SMCHD1: variants seen among roughly 807,000 people sequenced by gnomAD.
SMCHD1 encodes structural maintenance of chromosomes flexible hinge domain containing 1.
In SMCHD1, 78 loss-of-function variants were observed where a neutral mutation model predicts 254.7. The observed-to-expected ratio is 0.31, with a 90% CI of 0.26 to 0.37. SMCHD1 has a LOEUF of 0.37. Among genes scored for constraint, SMCHD1 ranks in the 10% least tolerant of loss-of-function variants. The pLI is 1.00. For synonymous variants in SMCHD1, 766 were observed against 794.9 expected, an observed-to-expected ratio of 0.96 and a Z score of 0.61; for missense variants, 1,840 against 2,408.1, an observed-to-expected ratio of 0.76 and a Z score of 4.94.
intron 20 of SMCHD1, among the ~76,000 whole-genome samples, chr18:2,722,951 C>T (rs756352261): frequency 3.5e-4 from 35 of 99,200 alleles, no homozygotes; most frequent in Non-Finnish European, 6.0e-4. Context: ...TGTCTCTTAA[C>T]AATTCATTAT....
At chr18:2,678,341 C>T (rs1167191834) in intron 5 of SMCHD1, among the ~76,000 whole-genome samples, 9 of 135,434 alleles carry the variant, frequency 6.6e-5, no homozygotes, top group African/African-American at 2.5e-4. Context: ...TGCTTTGTTG[C>T]CCAGGCTGGA....
Position 2,748,569 on chromosome 18 carries a change from A to AT in SMCHD1, c.3927+927dup, listed in dbSNP as rs530260008. ...GCCATCATGCCCAGCTAATTTTTGT[A>AT]TTTTTAGTACAGACGGGGTTTCACC... On this transcript the variant is annotated intron_variant, in intron 30 of 47. Coordinates refer to ENST00000320876, the MANE Select transcript of SMCHD1 (RefSeq NM_015295.3). Among the ~76,000 whole-genome samples the AT allele has an allele frequency of 2.3e-3, 355 of 151,526 alleles. 1 individual carries two copies. Among genetic ancestry groups the AT allele is most frequent in the African/African-American group, 7.9e-3 (327 of 41,256 alleles).
intron 1 of SMCHD1, among the ~76,000 whole-genome samples, chr18:2,660,471 G>GATT: frequency 7.4e-6 from 1 of 135,338 alleles, no homozygotes; most frequent in Non-Finnish European, 1.5e-5. Flanking sequence ...AAAAATCCAT[G>GATT]GTTTTTTTTT....
At chr18:2,662,667 C>CAAA (rs745838636) in intron 1 of SMCHD1, among the ~76,000 whole-genome samples, 593 of 35,590 alleles carry the variant, frequency 0.017, 12 homozygotes, top group African/African-American at 0.067. Context: ...AACAAAAAAC[C>CAAA]AAAAAAAAAA....
intron 8 of SMCHD1, among the ~76,000 whole-genome samples, chr18:2,695,622 T>C (rs967271688): frequency 3.9e-5 from 6 of 152,166 alleles, no homozygotes; most frequent in Non-Finnish European, 8.8e-5. Flanking sequence ...AAATTTTTTT[T>C]TTATAGCTAT....
At chr18:2,746,335 A>G (rs2143587212) in intron 29 of SMCHD1, among the ~76,000 whole-genome samples, 2 of 152,334 alleles carry the variant, frequency 1.3e-5, no homozygotes, top group African/African-American at 4.8e-5. Flanking sequence ...AGTTTGGACT[A>G]CAAGTCATTT....
intron 3 of SMCHD1, among the ~76,000 whole-genome samples, chr18:2,670,421 C>A (rs1461965655): frequency 6.6e-6 from 1 of 152,134 alleles, no homozygotes; most frequent in African/African-American, 2.4e-5. Flanking sequence ...TACTTGATTT[C>A]ATTTCTCTGC....
intron 30 of SMCHD1, 38 bp downstream of exon 30, chr18:2,747,685 C>T (rs1172826271): frequency 1.4e-6 from 2 of 1,450,838 alleles, no homozygotes; most frequent in African/African-American, 2.8e-5. Flanking sequence ...ATTTAAAATT[C>T]TGGATTTCAT....
intron 44 of SMCHD1, chr18:2,779,158 C>G (rs1568372801): frequency 6.6e-6 from 1 of 151,830 alleles, no homozygotes; most frequent in African/African-American, 2.4e-5. Flanking sequence ...TTTACTGCTG[C>G]TATATATATA....
intron 37 of SMCHD1, among the ~76,000 whole-genome samples, chr18:2,767,257 CA>C (rs199548188): frequency 1.1e-3 from 139 of 130,760 alleles, no homozygotes; most frequent in Admixed American, 1.2e-3. Flanking sequence ...GACCCTGTCT[CA>C]AAAAAAAAAA....
At chr18:2,763,437 C>G (rs1275168338) in intron 36 of SMCHD1, among the ~76,000 whole-genome samples, 200 bp from the exon 37 acceptor site, 1 of 152,126 alleles carries the variant, frequency 6.6e-6, no homozygotes, top group African/African-American at 2.4e-5. Flanking sequence ...ATTGAAGTCT[C>G]TTGTTCTTTT....
intron 3 of SMCHD1, among the ~76,000 whole-genome samples, chr18:2,668,378 G>T (rs1215341644): frequency 1.3e-5 from 2 of 152,176 alleles, no homozygotes; most frequent in Non-Finnish European, 2.9e-5. Context: ...TTAATCCTGT[G>T]TGGTAGCTAA....
Position 2,750,457 on chromosome 18 carries a change from A to C in SMCHD1, c.4115A>C (p.Asn1372Thr), listed in dbSNP as rs538621932. 6 of 1,610,860 alleles carry C rather than the reference A, an allele frequency of 3.7e-6. No individual in the cohort carries two copies. The highest frequency in any genetic ancestry group is 5.1e-6 in the Non-Finnish European group (6 of 1,178,152). ...GACCCAGAAAAACCCGTTCGTCTCAATGTTAAATATGACAAAGATGCATCC... is the reference window on the plus strand; with the variant it reads ...GACCCAGAAAAACCCGTTCGTCTCACTGTTAAATATGACAAAGATGCATCC... ...LPDPEKPVRLNVKYDKDASFL... is the reference protein window; with the variant it reads ...LPDPEKPVRLTVKYDKDASFL... Residue 1372 changes from asparagine (N) to threonine (T), a missense_variant, in exon 32 of 48, where the codon AAT (asparagine) becomes ACT (threonine). This residue lies in a region of SMCHD1 where 881 missense variants were observed against 1,009.5 expected (regional missense o/e 0.87). Coordinates refer to ENST00000320876, the MANE Select transcript of SMCHD1 (RefSeq NM_015295.3).
intron 34 of SMCHD1, 120 bp downstream of exon 34, chr18:2,752,672 G>A: frequency 1.5e-6 from 1 of 649,862 alleles, no homozygotes; most frequent in Non-Finnish European, 2.6e-6. Context: ...AAATGTTAGT[G>A]TCTCTAAATT....
At chr18:2,715,592 G>T (rs1260454896) in intron 17 of SMCHD1, among the ~76,000 whole-genome samples, 1 of 152,104 alleles carries the variant, frequency 6.6e-6, no homozygotes, top group East Asian at 1.9e-4. Context: ...TGGGCTTGGT[G>T]GCTGATGCCT....
rs113998277 is a variant in SMCHD1 at position 2,722,482 on chromosome 18, G to A, written c.2459-37G>A. The A allele has an allele frequency of 8.6e-4, 1,375 of 1,590,534 alleles. 10 individuals are homozygous for A. The African/African-American group carries it at 0.016, about 19-fold the overall frequency. On this transcript the variant is annotated intron_variant, in intron 19 of 47. Transcript: ENST00000320876. ...ACCCCCAATGGCTTTTCTGACCAAT[G>A]TACTTGCTTTTCATTTCATTTTTGT...
At chr18:2,764,160 A>C (rs2075830326) in intron 37 of SMCHD1, 1 of 186,072 alleles carries the variant, frequency 5.4e-6, no homozygotes. Flanking sequence ...CTAAAATGAA[A>C]ATAGTTTTAT....
intron 20 of SMCHD1, among the ~76,000 whole-genome samples, chr18:2,723,806 T>C (rs1408263492): frequency 1.3e-5 from 2 of 152,188 alleles, no homozygotes; most frequent in African/African-American, 4.8e-5. Flanking sequence ...AAACTTTTCA[T>C]CAGTCTTTTT....
chr18:2,681,412 CAAAAAAAAA>C (rs11448086), intron 5 of SMCHD1, among the ~76,000 whole-genome samples: 4 of 103,974 alleles, frequency 3.8e-5, no homozygotes, highest in African/African-American at 1.1e-4. Flanking sequence ...GACCCCATCT[CAAAAAAAAA>C]AAAAAAAAGG....
Sources: gnomAD v4.1 joint callset for allele counts (sites outside exome capture counted in the v4.1 genomes callset) on GRCh38, gnomAD v4.1.1 for gene constraint, gnomAD v4.1.1 regional missense constraint, MANE v1.5 for transcripts, NCBI Gene and HGNC (gene_info 2026-07-23, HGNC 2026-07-21) for gene names.